Variants in BEND3 observed in about 807,000 individuals in gnomAD.
The protein encoded by BEND3 is BEN domain containing 3, also known as BEN domain-containing protein 3.
In BEND3, 13 loss-of-function variants were observed where a neutral mutation model predicts 60.1. That is an observed-to-expected ratio of 0.22 (90% CI 0.14 to 0.34). BEND3 has a LOEUF of 0.34. Ranked by LOEUF, BEND3 falls within the 10% of genes least tolerant of loss-of-function variation. The pLI is 1.00. For missense variants in BEND3, 896 were observed against 1,138.1 expected (o/e 0.79, Z 3.06); for synonymous variants, 497 against 491.5 (o/e 1.01, Z -0.15).
At chr6:107,077,227 T>G (rs1311462262) in intron 3 of BEND3, among the ~76,000 whole-genome samples, 2 of 152,152 alleles carry the variant, frequency 1.3e-5, no homozygotes, top group East Asian at 3.8e-4. Flanking sequence ...CACCTTGGCT[T>G]CCCAAAGTGT....
intron 3 of BEND3, among the ~76,000 whole-genome samples, chr6:107,078,977 G>A (rs190436564): frequency 2.0e-5 from 3 of 152,018 alleles, no homozygotes; most frequent in Admixed American, 6.6e-5. Context: ...GGCCTGCCAC[G>A]CCCCCATTTC....
At chr6:107,096,394 G>A (rs782705198) in intron 3 of BEND3, among the ~76,000 whole-genome samples, 4 of 152,102 alleles carry the variant, frequency 2.6e-5, no homozygotes, top group Non-Finnish European at 4.4e-5. Flanking sequence ...AGTGAATTAC[G>A]TGAGGTCAGG....
intron 3 of BEND3, 149 bp from the exon 4 acceptor site, chr6:107,071,099 A>C (rs1193564818): frequency 1.4e-5 from 10 of 738,156 alleles, no homozygotes; most frequent in Non-Finnish European, 2.1e-5. Context: ...CTGTCATCCA[A>C]GGATGCACCA....
chr6:107,097,212 C>T (rs1554236058), intron 3 of BEND3, among the ~76,000 whole-genome samples: 1 of 151,148 alleles, frequency 6.6e-6, no homozygotes, highest in Non-Finnish European at 1.5e-5. Flanking sequence ...ACTAAAAATA[C>T]AAAAATTAGC....
At chr6:107,103,984 AAAG>A (rs1554237051) in intron 1 of BEND3, among the ~76,000 whole-genome samples, 1 of 150,974 alleles carries the variant, frequency 6.6e-6, no homozygotes, top group African/African-American at 2.4e-5. Context: ...AGAAAGAAAG[AAAG>A]AAAAAACAAA....
At chr6:107,099,574 T>G (rs1231880372) in intron 1 of BEND3, among the ~76,000 whole-genome samples, 1 of 152,198 alleles carries the variant, frequency 6.6e-6, no homozygotes, top group Non-Finnish European at 1.5e-5. Flanking sequence ...CATGGGAACA[T>G]TACAAGAACA....
chr6:107,107,295 C>T (rs1775836976), intron 1 of BEND3, among the ~76,000 whole-genome samples: 1 of 152,066 alleles, frequency 6.6e-6, no homozygotes, highest in Non-Finnish European at 1.5e-5. Context: ...CAGCTGTTTA[C>T]CTACCCATCC....
intron 3 of BEND3, among the ~76,000 whole-genome samples, chr6:107,087,016 C>G (rs1462152271): frequency 7.5e-6 from 1 of 133,824 alleles, no homozygotes; most frequent in African/African-American, 2.8e-5. Context: ...CAGAGCAAGA[C>G]TCTGTCTAAA....
intron 1 of BEND3, among the ~76,000 whole-genome samples, chr6:107,105,454 G>A (rs1453401509): frequency 6.6e-6 from 1 of 152,026 alleles, no homozygotes; most frequent in Non-Finnish European, 1.5e-5. Flanking sequence ...AGGATCACTG[G>A]CCTTTTCCCT....
At chr6:107,081,810 A>AC (rs1266460545) in intron 3 of BEND3, among the ~76,000 whole-genome samples, 3 of 151,984 alleles carry the variant, frequency 2.0e-5, no homozygotes, top group African/African-American at 7.2e-5. Flanking sequence ...AGGAGAATAT[A>AC]CCCTTTCCTT....
intron 1 of BEND3, among the ~76,000 whole-genome samples, chr6:107,102,761 G>C (rs1442899952): frequency 1.3e-5 from 2 of 152,200 alleles, no homozygotes; most frequent in Admixed American, 6.6e-5. Flanking sequence ...GGGGAGTGAG[G>C]TGAGCATCCC....
chr6:107,106,892 G>C (rs311211), intron 1 of BEND3, among the ~76,000 whole-genome samples: 1,735 of 150,824 alleles, frequency 0.012, 34 homozygotes, highest in African/African-American at 0.04. Context: ...TCAGATGCAA[G>C]CCACCACACC....
At chr6:107,112,957 G>A (rs1399800513) in intron 1 of BEND3, among the ~76,000 whole-genome samples, 1 of 151,534 alleles carries the variant, frequency 6.6e-6, no homozygotes, top group Non-Finnish European at 1.5e-5. Flanking sequence ...AGGAGATTGA[G>A]ACCATCCTGG....
chr6:107,077,593 G>A (rs187563842), intron 3 of BEND3, among the ~76,000 whole-genome samples: 50 of 152,260 alleles, frequency 3.3e-4, no homozygotes, highest in East Asian at 1.9e-3. Context: ...GGGAGATAAA[G>A]CAACTATAAT....
Position 107,113,437 on chromosome 6 carries a change from CAAA to C in BEND3, c.-12+1650_-12+1652del, listed in dbSNP as rs1158122732. Among the ~76,000 whole-genome samples the C allele has an allele frequency of 4.6e-4, 6 of 13,072 alleles. No homozygotes were observed. The South Asian group carries it at 9.1e-3, about 20-fold the overall frequency. 8.6% of individuals were successfully genotyped at this position (13,072 alleles called of 152,430 possible). A position where few individuals can be genotyped will look rare whatever the true frequency, so the allele number is the denominator to read the frequency against. ...CGGGTGACAGAGCGAGACTCCGTCT[CAAA>C]AAAAAAAAAAAAACAAAAAAAAAAC... On this transcript the variant is annotated intron_variant, in intron 1 of 3. Coordinates refer to ENST00000369042, the MANE Select transcript of BEND3 (RefSeq NM_001367314.1).
chr6:107,096,552 A>G (rs1441372535), intron 3 of BEND3, among the ~76,000 whole-genome samples: 2 of 152,228 alleles, frequency 1.3e-5, no homozygotes, highest in African/African-American at 4.8e-5. Flanking sequence ...CAGAGGCTGC[A>G]GTGAGCTGAG....
intron 1 of BEND3, among the ~76,000 whole-genome samples, chr6:107,107,670 C>T (rs962060483): frequency 3.3e-5 from 5 of 152,142 alleles, no homozygotes; most frequent in African/African-American, 9.7e-5. Context: ...ACCATGTTGG[C>T]CAGGATGGCC....
chr6:107,108,398 T>G (rs1775868468), intron 1 of BEND3, among the ~76,000 whole-genome samples: 2 of 152,206 alleles, frequency 1.3e-5, no homozygotes, highest in Admixed American at 1.3e-4. Flanking sequence ...AACCTTGGCA[T>G]GCAGAAGCTG....
At chr6:107,089,750 G>A (rs1775436048) in intron 3 of BEND3, among the ~76,000 whole-genome samples, 1 of 150,904 alleles carries the variant, frequency 6.6e-6, no homozygotes, top group Non-Finnish European at 1.5e-5. Context: ...ACGCACAATT[G>A]TGCACGGCTA....
Sources: gnomAD v4.1 joint callset for allele counts (sites outside exome capture counted in the v4.1 genomes callset) on GRCh38, gnomAD v4.1.1 for gene constraint, MANE v1.5 for transcripts, NCBI Gene and HGNC (gene_info 2026-07-23, HGNC 2026-07-21) for gene names.